ATP2B2: variants seen among roughly 807,000 people sequenced by gnomAD.
ATP2B2 encodes the protein plasma membrane calcium-transporting ATPase 2.
ATP2B2 carries 15 observed loss-of-function variants against 120.0 expected under a neutral mutation model. The ratio of observed to expected loss-of-function variants is 0.12; its 90% confidence interval spans 0.08 to 0.19. The LOEUF is 0.19. Among genes scored for constraint, ATP2B2 ranks in the 10% least tolerant of loss-of-function variants. ATP2B2 has a pLI of 1.00. For synonymous variants in ATP2B2, 694 were observed against 700.3 expected, an observed-to-expected ratio of 0.99 and a Z score of 0.14; for missense variants, 1,045 against 1,719.8, an observed-to-expected ratio of 0.61 and a Z score of 6.94.
intron 2 of ATP2B2, among the ~76,000 whole-genome samples, chr3:10,608,520 C>A (rs1249913758): frequency 6.6e-6 from 1 of 152,212 alleles, no homozygotes. Context: ...GTGATGAGGC[C>A]CTGTCAGTTT....
chr3:10,565,219 A>G (rs1345597399), intron 2 of ATP2B2, among the ~76,000 whole-genome samples: 1 of 152,040 alleles, frequency 6.6e-6, no homozygotes, highest in Non-Finnish European at 1.5e-5. Flanking sequence ...GCCAATTTAG[A>G]CCCTAGAAAA....
chr3:10,548,809 A>G (rs2067605453), intron 2 of ATP2B2, among the ~76,000 whole-genome samples: 1 of 152,252 alleles, frequency 6.6e-6, no homozygotes, highest in South Asian at 2.1e-4. Context: ...TTTAGTGGGA[A>G]GAAAGCCAAT....
intron 1 of ATP2B2, among the ~76,000 whole-genome samples, chr3:10,483,277 T>C (rs2065488110): frequency 6.6e-6 from 1 of 151,946 alleles, no homozygotes; most frequent in Non-Finnish European, 1.5e-5. Context: ...AGCAGAGGAG[T>C]TAATGACTGG....
rs2059931207 is a variant in ATP2B2, at chr3:10,329,817, G to A, written c.3421-692C>T. On this transcript the variant is annotated intron_variant, in intron 22 of 22. Transcript: ENST00000360273. The surrounding 1 kb of genome is among the most constrained non-coding windows in gnomAD (Gnocchi z 5.9). ...GCGGACAGATGACATTCGGGGGCGG[G>A]CTGCATGCCACGGGGAGGCCGGGAG... is the stretch of plus-strand genomic sequence containing the variant. Among the ~76,000 whole-genome samples the A allele has an allele frequency of 6.6e-6, 1 of 152,162 alleles. No homozygotes were observed. Among genetic ancestry groups the A allele is most frequent in the African/African-American group, 2.4e-5 (1 of 41,440 alleles).
At chr3:10,653,604 C>T (rs545077107) in intron 1 of ATP2B2, among the ~76,000 whole-genome samples, 26 of 152,326 alleles carry the variant, frequency 1.7e-4, no homozygotes, top group Middle Eastern at 3.4e-3. Context: ...CACTCACCAA[C>T]GAGTATTTCT....
intron 2 of ATP2B2, among the ~76,000 whole-genome samples, chr3:10,582,969 C>G (rs1387324326): frequency 1.3e-5 from 2 of 152,236 alleles, no homozygotes; most frequent in Non-Finnish European, 2.9e-5. Context: ...TGTTTAATGA[C>G]TAGTCATAAA....
chr3:10,371,974 T>C lies in ATP2B2; in HGVS notation c.1494A>G (p.Ser498=), dbSNP rs2061256949. ...ETMGNATAIC[S]DKTGTLTTNR... ...TGGTGGTCAGCGTGCCTGTCTTGTCTGAGCAGATGGCTGTGGCATTGCCCA... is the reference window on the plus strand; with the variant it reads ...TGGTGGTCAGCGTGCCTGTCTTGTCCGAGCAGATGGCTGTGGCATTGCCCA... Residue 498 remains serine, a synonymous_variant, in exon 12 of 23, where the codon TCA becomes TCG. Transcript: ENST00000360273. The C allele has an allele frequency of 6.2e-7, 1 of 1,614,120 alleles. No individual in the cohort carries two copies. The highest frequency in any genetic ancestry group is 8.5e-7 in the Non-Finnish European group (1 of 1,180,050).
Position 10,385,337 on chromosome 3 carries a change from G to T in ATP2B2, c.941-10C>A, listed in dbSNP as rs757539472. The T allele has an allele frequency of 2.5e-6, 4 of 1,613,154 alleles. No homozygotes were observed. The highest frequency in any genetic ancestry group is 2.7e-5 in the African/African-American group (2 of 74,894). Reference sequence around the variant, plus strand: ...GCCGCACCGTCTGCTGCTGCAGGGGGGTGGGAGGGATGGAAAATGCAGTGT... The same window carrying T: ...GCCGCACCGTCTGCTGCTGCAGGGGTGTGGGAGGGATGGAAAATGCAGTGT... On this transcript the variant is annotated splice_polypyrimidine_tract_variant and intron_variant, in intron 7 of 22. Coordinates refer to ENST00000360273, the MANE Select transcript of ATP2B2 (RefSeq NM_001001331.4).
At chr3:10,475,004 G>C (rs1386167266) in intron 1 of ATP2B2, among the ~76,000 whole-genome samples, 1 of 152,214 alleles carries the variant, frequency 6.6e-6, no homozygotes, top group Non-Finnish European at 1.5e-5. Flanking sequence ...TATCATCACA[G>C]CTTGGGCTGA....
rs552135562 is a variant in ATP2B2, at chr3:10,329,696, C to T, written c.3421-571G>A. Among the ~76,000 whole-genome samples the T allele has an allele frequency of 5.3e-5, 8 of 152,246 alleles. No individual in the cohort carries two copies. The highest frequency in any genetic ancestry group is 4.2e-4 in the South Asian group (2 of 4,818). On this transcript the variant is annotated intron_variant, in intron 22 of 22. Coordinates refer to ENST00000360273, the MANE Select transcript of ATP2B2 (RefSeq NM_001001331.4). This position sits in a 1 kb window ranked among gnomAD's most constrained non-coding sequence, Gnocchi z 5.9. ...AGAGACACATGAGGGCCAAACAGAA[C>T]GGGAACATCAAACCAAAGGCAGCAA...
chr3:10,560,742 C>T (rs2067884922), intron 2 of ATP2B2, among the ~76,000 whole-genome samples: 1 of 152,194 alleles, frequency 6.6e-6, no homozygotes, highest in Non-Finnish European at 1.5e-5. Context: ...CACTCCCCAA[C>T]AGAAGGGGCT....
At chr3:10,488,218 C>T (rs1370712924) in intron 1 of ATP2B2, among the ~76,000 whole-genome samples, 1 of 148,762 alleles carries the variant, frequency 6.7e-6, no homozygotes, top group Non-Finnish European at 1.5e-5. Flanking sequence ...TCCATCCATC[C>T]ATCCACTCAT....
chr3:10,690,252 G>C (rs761751018), intron 1 of ATP2B2, among the ~76,000 whole-genome samples: 2 of 152,208 alleles, frequency 1.3e-5, no homozygotes, highest in Non-Finnish European at 2.9e-5. Context: ...AAATCAGTAA[G>C]AGACACAACA....
intron 2 of ATP2B2, among the ~76,000 whole-genome samples, chr3:10,553,734 G>A (rs1439877889): frequency 6.6e-6 from 1 of 152,130 alleles, no homozygotes; most frequent in Non-Finnish European, 1.5e-5. Context: ...TGCTTTTAGT[G>A]CCTGCAGCTC....
chr3:10,384,723 G>A (rs370061796), intron 8 of ATP2B2, among the ~76,000 whole-genome samples: 1 of 152,182 alleles, frequency 6.6e-6, no homozygotes, highest in Admixed American at 6.5e-5. Context: ...CCCCCTGCCC[G>A]TTGGCTCCGT....
At chr3:10,442,910 A>G (rs2063717654) in intron 2 of ATP2B2, among the ~76,000 whole-genome samples, 1 of 152,238 alleles carries the variant, frequency 6.6e-6, no homozygotes, top group Non-Finnish European at 1.5e-5. Flanking sequence ...TTATGACCTC[A>G]TGTTACAGAT....
intron 2 of ATP2B2, among the ~76,000 whole-genome samples, chr3:10,411,271 G>A (rs930698147): frequency 3.3e-5 from 5 of 152,194 alleles, no homozygotes; most frequent in African/African-American, 9.7e-5. Flanking sequence ...GGCACCAGAC[G>A]CTGGAAGAGG....
At chr3:10,643,939 T>C (rs2070244609) in intron 1 of ATP2B2, among the ~76,000 whole-genome samples, 1 of 152,136 alleles carries the variant, frequency 6.6e-6, no homozygotes, top group African/African-American at 2.4e-5. Flanking sequence ...TTCATTAAAA[T>C]AAAGCACTTT....
intron 1 of ATP2B2, among the ~76,000 whole-genome samples, chr3:10,665,090 G>T (rs1241271199): frequency 6.6e-6 from 1 of 152,122 alleles, no homozygotes; most frequent in African/African-American, 2.4e-5. Flanking sequence ...TTTACCATCT[G>T]ATCTTTGAGG....
Sources: allele counts gnomAD v4.1 joint callset (sites outside exome capture counted in the v4.1 genomes callset), GRCh38; gene constraint gnomAD v4.1.1; non-coding constraint Gnocchi (gnomAD v3.1); transcripts MANE v1.5; gene names NCBI Gene and HGNC (gene_info 2026-07-23, HGNC 2026-07-21).